DERA: variants seen among roughly 807,000 people sequenced by gnomAD.
DERA encodes deoxyribose-phosphate aldolase.
In DERA, 15 loss-of-function variants were observed where a neutral mutation model predicts 41.1. The ratio of observed to expected loss-of-function variants is 0.37; its 90% CI spans 0.24 to 0.56. DERA has a LOEUF of 0.56. DERA is among the 20% of genes least tolerant of loss of function. The pLI, the probability that DERA is intolerant of heterozygous loss-of-function variation, is 0.81. For missense variants in DERA, 396 were observed against 403.4 expected (o/e 0.98, Z 0.16); for synonymous variants, 139 against 137.4 (o/e 1.01, Z -0.08).
Position 15,966,698 on chromosome 12 carries a change from AC to A in DERA, c.508+3755del, listed in dbSNP as rs1174059728. Among the ~76,000 whole-genome samples, 1 of 151,742 alleles carries A rather than the reference AC, an allele frequency of 6.6e-6. No homozygotes were observed. Among genetic ancestry groups the A allele is most frequent in the Non-Finnish European group, 1.5e-5 (1 of 67,950 alleles). On this transcript the variant is annotated intron_variant, in intron 5 of 8. Transcript: ENST00000428559. The surrounding 1 kb of genome is among the most constrained non-coding windows in gnomAD (Gnocchi z 5.1). ...GAGGTCTTCCTTTCTGTTTCTGATTACCCCTGCGTCTCATTTGCAAGCTCCT... is the reference window on the plus strand; with the variant it reads ...GAGGTCTTCCTTTCTGTTTCTGATTACCCTGCGTCTCATTTGCAAGCTCCT...
chr12:15,942,118 G>GTTGA (rs1948413081), intron 1 of DERA, among the ~76,000 whole-genome samples: 3 of 152,134 alleles, frequency 2.0e-5, no homozygotes, highest in African/African-American at 7.2e-5. Flanking sequence ...AATTAGTGAT[G>GTTGA]TTGACCTTTT....
intron 1 of DERA, among the ~76,000 whole-genome samples, chr12:15,955,563 T>G (rs905179810): frequency 6.6e-6 from 1 of 152,114 alleles, no homozygotes; most frequent in Non-Finnish European, 1.5e-5. Context: ...ATGTTAAAAA[T>G]CTGGTTTGTT....
chr12:15,945,868 T>C (rs1948443819), intron 1 of DERA, among the ~76,000 whole-genome samples: 1 of 152,194 alleles, frequency 6.6e-6, no homozygotes, highest in Non-Finnish European at 1.5e-5. Context: ...GCTGTGAGTT[T>C]GTCATAAATA....
intron 6 of DERA, among the ~76,000 whole-genome samples, chr12:15,997,971 A>G (rs1948850337): frequency 6.6e-6 from 1 of 152,204 alleles, no homozygotes; most frequent in Non-Finnish European, 1.5e-5. Context: ...ATTAACCTCA[A>G]ACCTCTCATT....
intron 1 of DERA, among the ~76,000 whole-genome samples, chr12:15,933,411 A>G (rs1948343737): frequency 6.6e-6 from 1 of 151,994 alleles, no homozygotes; most frequent in Non-Finnish European, 1.5e-5. Flanking sequence ...TATTTTTCCC[A>G]TTTCCTATTT....
chr12:15,932,316 A>G (rs1948334248), intron 1 of DERA, among the ~76,000 whole-genome samples: 1 of 152,182 alleles, frequency 6.6e-6, no homozygotes, highest in Admixed American at 6.5e-5. Flanking sequence ...ATATTTGACA[A>G]GAATGTATGA....
chr12:16,029,200 T>C (rs935764762), intron 6 of DERA, among the ~76,000 whole-genome samples: 4 of 152,120 alleles, frequency 2.6e-5, no homozygotes, highest in African/African-American at 9.7e-5. Context: ...TTTGGGAGGC[T>C]GAGGTGGGCG....
rs1948948791 is a variant in DERA, at chr12:16,011,886, G to T, written c.638-20656G>T. On this transcript the variant is annotated intron_variant, in intron 6 of 8. Coordinates refer to ENST00000428559, the MANE Select transcript of DERA (RefSeq NM_015954.4). This position sits in a 1 kb window ranked among gnomAD's most constrained non-coding sequence, Gnocchi z 4.7. ...ATTTTCTTTTGTTTACAGGGTACTG[G>T]CCTAATTGCCATGAGTCTCATTTTT... Among the ~76,000 whole-genome samples the T allele has an allele frequency of 6.6e-6, 1 of 152,074 alleles. No homozygotes were observed. The highest frequency in any genetic ancestry group is 1.5e-5 in the Non-Finnish European group (1 of 68,000).
At chr12:15,912,557 T>TG (rs1948172305) in intron 1 of DERA, among the ~76,000 whole-genome samples, 2 of 152,228 alleles carry the variant, frequency 1.3e-5, no homozygotes, top group Non-Finnish European at 1.5e-5. Flanking sequence ...TTTCTTCATC[T>TG]GTAAAATGGT....
intron 5 of DERA, among the ~76,000 whole-genome samples, chr12:15,979,664 A>G (rs896413791): frequency 6.6e-6 from 1 of 152,228 alleles, no homozygotes; most frequent in African/African-American, 2.4e-5. Context: ...GGCCAGTAAA[A>G]TGATTTTAGA....
Position 16,036,494 on chromosome 12 carries a change from C to A in DERA, c.900+113C>A. On this transcript the variant is annotated intron_variant, in intron 8 of 8. Transcript: ENST00000428559. This position sits in a 1 kb window ranked among gnomAD's most constrained non-coding sequence, Gnocchi z 4.9. The stretch of plus-strand genomic sequence containing the variant: ...AACTCATCTGATTGACCTCATCCTA[C>A]CCAATCCTCTACCTTTTCTTCCAAG... The A allele has an allele frequency of 7.9e-7, 1 of 1,271,684 alleles. No individual in the cohort carries two copies. Among genetic ancestry groups the A allele is most frequent in the Non-Finnish European group, 1.1e-6 (1 of 922,178 alleles). 78.8% of individuals were successfully genotyped at this position (1,271,684 alleles called of 1,614,324 possible). A position where few individuals can be genotyped will look rare whatever the true frequency, so the allele number is the denominator to read the frequency against.
intron 5 of DERA, among the ~76,000 whole-genome samples, chr12:15,980,988 A>C (rs1038999741): frequency 1.3e-5 from 2 of 152,156 alleles, no homozygotes; most frequent in Non-Finnish European, 2.9e-5. Context: ...AGCTTTAAGA[A>C]ATGCTTACCC....
intron 3 of DERA, among the ~76,000 whole-genome samples, chr12:15,958,988 T>C (rs1948562861): frequency 6.6e-6 from 1 of 152,188 alleles, no homozygotes; most frequent in Non-Finnish European, 1.5e-5. Context: ...TGTTACTTGC[T>C]GGGCTGGTTT....
rs1949001988 is a variant in DERA at position 16,019,021 on chromosome 12, G to C, written c.638-13521G>C. ...CCCAAGCTGAGCAGAGGTAAGCTTG[G>C]CTAATGTTAGATTTATGTGAGCTCT... On this transcript the variant is annotated intron_variant, in intron 6 of 8. Transcript: ENST00000428559. The surrounding 1 kb of genome is among the most constrained non-coding windows in gnomAD (Gnocchi z 4.4). Among the ~76,000 whole-genome samples the C allele has an allele frequency of 6.6e-6, 1 of 152,100 alleles. No homozygotes were observed. Among genetic ancestry groups the C allele is most frequent in the African/African-American group, 2.4e-5 (1 of 41,428 alleles).
In DERA at chr12:16,013,385, T is replaced by C. The variant is rs1948959377; in HGVS notation, c.638-19157T>C. Among the ~76,000 whole-genome samples the C allele has an allele frequency of 6.6e-6, 1 of 152,178 alleles. No homozygotes were observed. Among genetic ancestry groups the C allele is most frequent in the African/African-American group, 2.4e-5 (1 of 41,458 alleles). On this transcript the variant is annotated intron_variant, in intron 6 of 8. Transcript: ENST00000428559. This position sits in a 1 kb window ranked among gnomAD's most constrained non-coding sequence, Gnocchi z 5.8. ...ATCATGAGGGCAGTTTCCCCCATGT[T>C]GTTCTTACCATAATGAGTGAGTTCT...
At position 15,993,349 on chromosome 12, in the gene DERA, T is replaced by C. The variant is rs976212829; in HGVS notation, c.637+10913T>C. Reference sequence around the variant, plus strand: ...AATATGCATCAAATAGTAAAGTAAATGACAATGTCGATTTATTTTTCTAAA... The same window carrying C: ...AATATGCATCAAATAGTAAAGTAAACGACAATGTCGATTTATTTTTCTAAA... On this transcript the variant is annotated intron_variant, in intron 6 of 8. Coordinates refer to ENST00000428559, the MANE Select transcript of DERA (RefSeq NM_015954.4). This position sits in a 1 kb window ranked among gnomAD's most constrained non-coding sequence, Gnocchi z 4.4. Among the ~76,000 whole-genome samples, 8 of 152,076 alleles carry C rather than the reference T, an allele frequency of 5.3e-5. No homozygotes were observed. Among genetic ancestry groups the C allele is most frequent in the Admixed American group, 4.6e-4 (7 of 15,276 alleles).
rs1290871694 is a variant in DERA at position 16,036,589 on chromosome 12, AATGTTC to A, written c.901-98_901-93del. On this transcript the variant is annotated intron_variant, in intron 8 of 8. Coordinates refer to ENST00000428559, the MANE Select transcript of DERA (RefSeq NM_015954.4). The surrounding 1 kb of genome is among the most constrained non-coding windows in gnomAD (Gnocchi z 4.9). ...ACATACTAGTGAGGCTTTCTAATGA[AATGTTC>A]ATTAAAACTATTTATTATTATTTGA... 3 of 1,061,004 alleles carry A rather than the reference AATGTTC, an allele frequency of 2.8e-6. No homozygotes were observed. The African/African-American group carries it at 4.9e-5, about 17-fold the overall frequency. The allele number at this position is 1,061,004 out of a possible 1,614,324, so 65.7% of individuals were successfully genotyped here.
intron 1 of DERA, among the ~76,000 whole-genome samples, chr12:15,932,921 T>C (rs1416040409): frequency 6.6e-6 from 1 of 152,234 alleles, no homozygotes; most frequent in Non-Finnish European, 1.5e-5. Flanking sequence ...AGTCCACATA[T>C]TAAGTGAACC....
chr12:15,966,950 G>A lies in DERA; in HGVS notation c.508+4003G>A, dbSNP rs138061398. 5.1e-3 allele frequency among the ~76,000 whole-genome samples: 770 copies of A among 152,182 alleles called. 1 individual carries two copies. Among genetic ancestry groups the A allele is most frequent in the Non-Finnish European group, 8.0e-3 (545 of 68,012 alleles). On this transcript the variant is annotated intron_variant, in intron 5 of 8. Coordinates refer to ENST00000428559, the MANE Select transcript of DERA (RefSeq NM_015954.4). The surrounding 1 kb of genome is among the most constrained non-coding windows in gnomAD (Gnocchi z 5.1). The stretch of plus-strand genomic sequence containing the variant: ...CCACCTGCTCCAGAACTCGTATTCC[G>A]TTGTATCACTACACCATGTTGCATT...
Sources: allele counts gnomAD v4.1 joint callset (sites outside exome capture counted in the v4.1 genomes callset), GRCh38; gene constraint gnomAD v4.1.1; non-coding constraint Gnocchi (gnomAD v3.1); transcripts MANE v1.5; gene names NCBI Gene and HGNC (gene_info 2026-07-23, HGNC 2026-07-21).